Variants in PARP4 observed in about 807,000 individuals in gnomAD.
PARP4 encodes the protein protein mono-ADP-ribosyltransferase PARP4.
PARP4 carries 120 observed loss-of-function variants against 187.7 expected under a neutral mutation model. The observed-to-expected ratio is 0.64, with a 90% CI of 0.55 to 0.74. The LOEUF (loss-of-function observed/expected upper bound fraction) is 0.74, where lower values mean the gene tolerates loss of function less well. Ranked by LOEUF, PARP4 falls within the 30% of genes least tolerant of loss-of-function variation. The pLI is 0.00. For synonymous variants in PARP4, 654 were observed against 740.9 expected, an observed-to-expected ratio of 0.88 and a Z score of 1.90; for missense variants, 1,836 against 2,070.5, an observed-to-expected ratio of 0.89 and a Z score of 2.20.
intron 3 of PARP4, 60 bp from the exon 4 acceptor site, chr13:24,500,442 A>T (rs1433810004): frequency 1.2e-5 from 12 of 1,026,586 alleles, no homozygotes. Context: ...ATAATTAGTT[A>T]ACCTAAGTGC....
At chr13:24,428,447 A>G (rs1201587527) in intron 32 of PARP4, among the ~76,000 whole-genome samples, 1 of 152,110 alleles carries the variant, frequency 6.6e-6, no homozygotes, top group African/African-American at 2.4e-5. Flanking sequence ...AGTCTTTTCC[A>G]ATTCTGACCT....
At chr13:24,500,098 A>G (rs773620884) in intron 4 of PARP4, among the ~76,000 whole-genome samples, 6 of 152,166 alleles carry the variant, frequency 3.9e-5, no homozygotes, top group Non-Finnish European at 7.3e-5. Flanking sequence ...AATCAATTCA[A>G]TAATTGCACC....
intron 10 of PARP4, among the ~76,000 whole-genome samples, chr13:24,487,847 C>A (rs1868409910): frequency 6.6e-6 from 1 of 152,158 alleles, no homozygotes; most frequent in African/African-American, 2.4e-5. Flanking sequence ...GTGATTCAGG[C>A]TGGGTTATGT....
At chr13:24,495,788 G>A (rs1017165309) in intron 6 of PARP4, among the ~76,000 whole-genome samples, 1 of 152,158 alleles carries the variant, frequency 6.6e-6, no homozygotes, top group Non-Finnish European at 1.5e-5. Flanking sequence ...AAATAGGAGT[G>A]CCTGTTGAAG....
rs1014080313 is a variant in PARP4, at chr13:24,478,138, A to G, written c.1587T>C (p.Ser529=). 73 of 1,611,800 alleles carry G rather than the reference A, an allele frequency of 4.5e-5. No homozygotes were observed. The highest frequency in any genetic ancestry group is 5.9e-5 in the Non-Finnish European group (69 of 1,179,070). Residue 529 remains serine, a synonymous_variant, in exon 13 of 34, where the codon AGT becomes AGC. Coordinates refer to ENST00000381989, the MANE Select transcript of PARP4 (RefSeq NM_006437.4). ...SLTEAPPGYD[S]VHGVSQTASV... ...AGGCTGTTTGCGAAACTCCATGCACACTGTCGTAGCCTGGTGGTGCTTCAG... is the reference window on the plus strand; with the variant it reads ...AGGCTGTTTGCGAAACTCCATGCACGCTGTCGTAGCCTGGTGGTGCTTCAG...
At chr13:24,482,917 G>C (rs1411560158) in intron 12 of PARP4, among the ~76,000 whole-genome samples, 1 of 152,166 alleles carries the variant, frequency 6.6e-6, no homozygotes, top group Non-Finnish European at 1.5e-5. Context: ...TGAAGGACAG[G>C]ACTTCATGTA....
chr13:24,456,422 A>G lies in PARP4; in HGVS notation c.2481T>C (p.Ser827=). ...ACAAACCGATGTGGAGAGAAAATCC[A>G]CTGCTGTCTAAGGAGCTGCCTTCCA... is the stretch of plus-strand genomic sequence containing the variant. The part of the protein sequence containing the change: ...STMEGSSLDS[S]GFSLHIGLSA... Residue 827 remains serine (S), a synonymous_variant, in exon 21 of 34, where the codon AGT becomes AGC. Transcript: ENST00000381989. The G allele has an allele frequency of 6.2e-7, 1 of 1,611,854 alleles. No homozygotes were observed. The highest frequency in any genetic ancestry group is 1.3e-5 in the African/African-American group (1 of 75,022).
At chr13:24,507,194 A>C (rs1869758612) in intron 1 of PARP4, among the ~76,000 whole-genome samples, 1 of 152,188 alleles carries the variant, frequency 6.6e-6, no homozygotes, top group Non-Finnish European at 1.5e-5. Context: ...CTGCAAGCTG[A>C]AGGAGCCGGC....
chr13:24,429,899 G>C (rs1359929140), intron 32 of PARP4, among the ~76,000 whole-genome samples: 1 of 152,114 alleles, frequency 6.6e-6, no homozygotes, highest in Non-Finnish European at 1.5e-5. Context: ...TCCTCATCCC[G>C]TTAAGACTTT....
intron 1 of PARP4, among the ~76,000 whole-genome samples, chr13:24,505,770 G>T (rs1456572840): frequency 6.6e-6 from 1 of 152,226 alleles, no homozygotes; most frequent in African/African-American, 2.4e-5. Flanking sequence ...TAAAAACAAG[G>T]AGTCACGTCT....
At chr13:24,432,445 A>G (rs770532357) in intron 31 of PARP4, among the ~76,000 whole-genome samples, 3 of 152,216 alleles carry the variant, frequency 2.0e-5, no homozygotes, top group African/African-American at 7.2e-5. Flanking sequence ...TTTGGAGTTA[A>G]ATATACACCT....
At chr13:24,484,456 A>G (rs1434454361) in intron 12 of PARP4, among the ~76,000 whole-genome samples, 197 bp downstream of exon 12, 1 of 152,184 alleles carries the variant, frequency 6.6e-6, no homozygotes, top group African/African-American at 2.4e-5. Flanking sequence ...TACAGGCACG[A>G]GCCACCATGT....
chr13:24,465,348 T>C (rs192104848), intron 17 of PARP4, among the ~76,000 whole-genome samples: 16 of 152,288 alleles, frequency 1.1e-4, no homozygotes, highest in African/African-American at 3.4e-4. Flanking sequence ...TGTATGTTCG[T>C]TGCAGCACTA....
At chr13:24,463,845 G>A (rs1329173384) in intron 17 of PARP4, among the ~76,000 whole-genome samples, 2 of 152,138 alleles carry the variant, frequency 1.3e-5, no homozygotes, top group Non-Finnish European at 2.9e-5. Flanking sequence ...TAGGAAGAGA[G>A]GAAGTCAAAC....
In PARP4 at chr13:24,434,800, G is replaced by A. The variant is rs1410839813; in HGVS notation, c.4341C>T (p.Pro1447=). The A allele has an allele frequency of 7.4e-6, 12 of 1,612,396 alleles. No homozygotes were observed. The highest frequency in any genetic ancestry group is 1.7e-4 in the Middle Eastern group (1 of 5,794). Residue 1447 remains proline (P), a synonymous_variant, in exon 31 of 34, where the codon CCC becomes CCT. Coordinates refer to ENST00000381989, the MANE Select transcript of PARP4 (RefSeq NM_006437.4). ...LHFSLPTDPD[P]IRGFGSYHPS... Reference sequence around the variant, plus strand: ...GATGATAAGACCCAAAACCTCTGATGGGATCAGGGTCTGTAGGAAGAGAGA... The same window carrying A: ...GATGATAAGACCCAAAACCTCTGATAGGATCAGGGTCTGTAGGAAGAGAGA...
rs2137544633 is a variant in PARP4, at chr13:24,501,846, AAG to A, written c.133-14_133-13del. ...ATTATATGTGTGCACTAAGGAAAAA[AAG>A]AGTCAATCCATTATGCATCAAGAAA... On this transcript the variant is annotated splice_polypyrimidine_tract_variant and intron_variant, in intron 2 of 33. Transcript: ENST00000381989. The A allele has an allele frequency of 1.3e-6, 2 of 1,514,216 alleles. No individual in the cohort carries two copies. The highest frequency in any genetic ancestry group is 1.7e-5 in the Admixed American group (1 of 58,650). 93.8% of individuals were successfully genotyped at this position (1,514,216 alleles called of 1,614,324 possible). A position where few individuals can be genotyped will look rare whatever the true frequency, so the allele number is the denominator to read the frequency against.
chr13:24,451,668 G>A (rs1469070414), intron 24 of PARP4, among the ~76,000 whole-genome samples: 5 of 152,108 alleles, frequency 3.3e-5, no homozygotes, highest in Non-Finnish European at 7.4e-5. Flanking sequence ...CACTTGCTGA[G>A]GTGGTGGCCA....
chr13:24,493,556 C>T (rs1433125112), intron 8 of PARP4, 40 bp downstream of exon 8: 3 of 1,581,910 alleles, frequency 1.9e-6, no homozygotes, highest in Non-Finnish European at 2.6e-6. Context: ...AACCAGGAGG[C>T]AGATTTTTCA....
intron 5 of PARP4, among the ~76,000 whole-genome samples, 160 bp from the exon 6 acceptor site, chr13:24,498,389 C>T (rs1399689469): frequency 2.0e-5 from 3 of 152,042 alleles, no homozygotes; most frequent in Admixed American, 2.0e-4. Flanking sequence ...CTCCTAAAAT[C>T]CCGAGAGCAA....
Sources: gnomAD v4.1 joint callset for allele counts (sites outside exome capture counted in the v4.1 genomes callset) on GRCh38, gnomAD v4.1.1 for gene constraint, MANE v1.5 for transcripts, NCBI Gene and HGNC (gene_info 2026-07-23, HGNC 2026-07-21) for gene names.